SHKBP1: variants seen among roughly 807,000 people sequenced by gnomAD.
SHKBP1 encodes the protein SH3KBP1 binding protein 1.
Under a neutral mutation model 83.9 loss-of-function variants are expected in SHKBP1, and 71 were observed. The ratio of observed to expected loss-of-function variants is 0.85; its 90% CI spans 0.70 to 1.03. The LOEUF (loss-of-function observed/expected upper bound fraction) is 1.03, where lower values mean the gene tolerates loss of function less well. Ranked by LOEUF, SHKBP1 falls within the 50% of genes least tolerant of loss-of-function variation. SHKBP1 has a pLI of 0.00. For missense variants in SHKBP1, 824 were observed against 982.4 expected (o/e 0.84, Z 2.16); for synonymous variants, 371 against 398.0 (o/e 0.93, Z 0.81).
intron 12 of SHKBP1, among the ~76,000 whole-genome samples, chr19:40,584,843 G>T (rs931324664): frequency 6.6e-6 from 1 of 152,156 alleles, no homozygotes; most frequent in Non-Finnish European, 1.5e-5. Context: ...GGCTCAATAT[G>T]CTTCCTATAC....
chr19:40,579,516 TAGCC>T (rs1391668088), intron 6 of SHKBP1, among the ~76,000 whole-genome samples: 1 of 151,718 alleles, frequency 6.6e-6, no homozygotes, highest in Non-Finnish European at 1.5e-5. Flanking sequence ...AAAAAAAAAT[TAGCC>T]AGGTGTGGTG....
rs186493917 is a variant in SHKBP1 at position 40,591,030 on chromosome 19, C to T, written c.1947C>T (p.Ser649=). The stretch of plus-strand genomic sequence containing the variant: ...TGTCTGGCCACCGTGGGAGCCCAAG[C>T]CCCCCGCAGGCTGAGGCCCGGCGCC... ...TSLSGHRGSP[S]PPQAEARRRG... is the part of the protein sequence containing the mutation. Residue 649 remains serine, a synonymous_variant, in exon 18 of 18, where the codon AGC becomes AGT. Coordinates refer to ENST00000291842, the MANE Select transcript of SHKBP1 (RefSeq NM_138392.4). 153 of 1,612,590 alleles carry T rather than the reference C, an allele frequency of 9.5e-5. 1 individual carries two copies. The Middle Eastern group carries it at 1.8e-3, about 19-fold the overall frequency.
chr19:40,577,542 C>T lies in SHKBP1; in HGVS notation c.187-15C>T, dbSNP rs1358099859. 2 of 1,614,068 alleles carry T rather than the reference C, an allele frequency of 1.2e-6. No individual in the cohort carries two copies. Reference sequence around the variant, plus strand: ...GCCTTTTACCCCATCCATCCTCTGCCCCCCTTTCCCGCAGATCTTCATCGA... The same window carrying T: ...GCCTTTTACCCCATCCATCCTCTGCTCCCCTTTCCCGCAGATCTTCATCGA... On this transcript the variant is annotated splice_polypyrimidine_tract_variant and intron_variant, in intron 3 of 17. Transcript: ENST00000291842.
At position 40,580,727 on chromosome 19, in the gene SHKBP1, T is replaced by G; in HGVS notation, c.654-19T>G. ...AAGGGCATGCGGTGAGGGTTGGTGA[T>G]GTCCCCTCGATCCTACAGGTTGAAG... On this transcript the variant is annotated intron_variant, in intron 8 of 17. Transcript: ENST00000291842. 2.5e-6 allele frequency: 4 copies of G among 1,613,352 alleles called. No individual in the cohort carries two copies. The highest frequency in any genetic ancestry group is 3.4e-6 in the Non-Finnish European group (4 of 1,179,536).
At position 40,590,959 on chromosome 19, in the gene SHKBP1, T is replaced by A; in HGVS notation, c.1893-17T>A. On this transcript the variant is annotated splice_polypyrimidine_tract_variant and intron_variant, in intron 17 of 17. Transcript: ENST00000291842. This position sits in a 1 kb window ranked among gnomAD's most constrained non-coding sequence, Gnocchi z 4.6. The stretch of plus-strand genomic sequence containing the variant: ...CTGCCCCGTGATGACGTGCACTTAC[T>A]GTCCTTACTTCCTCAGCCTCCACTC... The A allele has an allele frequency of 6.3e-7, 1 of 1,592,212 alleles. No homozygotes were observed. The highest frequency in any genetic ancestry group is 8.6e-7 in the Non-Finnish European group (1 of 1,163,432).
At chr19:40,588,958 G>T (rs942567998) in intron 14 of SHKBP1, 124 bp from the exon 15 acceptor site, 2 of 1,288,946 alleles carry the variant, frequency 1.6e-6, no homozygotes, top group Admixed American at 2.0e-5. Context: ...CTCTGGCCCT[G>T]CCCAACTCTA....
rs1401439647 is a variant in SHKBP1, at chr19:40,589,075, G to C, written c.1493-7G>C. ...CTGGCCCTGACCCCTGCCCCTGCCT[G>C]GCCCAGGCCCCTACGGTGAGCGGGA... On this transcript the variant is annotated splice_region_variant and splice_polypyrimidine_tract_variant and intron_variant, in intron 14 of 17. Transcript: ENST00000291842. The C allele has an allele frequency of 6.2e-7, 1 of 1,611,122 alleles. No homozygotes were observed. The highest frequency in any genetic ancestry group is 8.5e-7 in the Non-Finnish European group (1 of 1,179,900).
chr19:40,589,527 A>G (rs1439041598), intron 15 of SHKBP1, among the ~76,000 whole-genome samples: 1 of 21,702 alleles, frequency 4.6e-5, no homozygotes, highest in Non-Finnish European at 8.6e-5. Flanking sequence ...GGATGGGGGG[A>G]CCAGGGGGAG....
intron 9 of SHKBP1, 135 bp downstream of exon 9, chr19:40,581,071 C>T: frequency 1.2e-6 from 1 of 856,746 alleles, no homozygotes; most frequent in African/African-American, 1.7e-5. Flanking sequence ...TTAGAATGCT[C>T]CAGCCCTTCA....
intron 15 of SHKBP1, among the ~76,000 whole-genome samples, chr19:40,589,606 A>G (rs550027230): frequency 4.6e-5 from 7 of 151,222 alleles, no homozygotes; most frequent in African/African-American, 7.3e-5. Context: ...AGGGAGCTGT[A>G]GGAGCCTTGC....
In SHKBP1 at chr19:40,586,620, G is replaced by A. The variant is rs1021743708; in HGVS notation, c.1166-154G>A. On this transcript the variant is annotated intron_variant, in intron 12 of 17. Transcript: ENST00000291842. ...GACCTCAAGCGATCCACCCGCCTCA[G>A]CTTCCCAAAGTGATGGGATTACGGC... 8 of 690,532 alleles carry A rather than the reference G, an allele frequency of 1.2e-5. No homozygotes were observed. The East Asian group carries it at 2.6e-4, about 23-fold the overall frequency. 42.8% of individuals were successfully genotyped at this position (690,532 alleles called of 1,614,324 possible).
Position 40,577,405 on chromosome 19 carries a change from C to T in SHKBP1, c.150C>T (p.Ser50=), listed in dbSNP as rs1173346442. Reference sequence around the variant, plus strand: ...TGTCCCTTCCCTGCAGTCTTCTGAGCGGACGCATCTCGACGCTGAAAGATG... The same window carrying T: ...TGTCCCTTCCCTGCAGTCTTCTGAGTGGACGCATCTCGACGCTGAAAGATG... ...IPDSFFSSLL[S]GRISTLKDET... is the part of the protein sequence containing the mutation. The change falls in exon 3 of 18, where the codon AGC becomes AGT. Residue 50 remains serine (S), a synonymous_variant. Coordinates refer to ENST00000291842, the MANE Select transcript of SHKBP1 (RefSeq NM_138392.4). The T allele has an allele frequency of 6.2e-7, 1 of 1,613,556 alleles. No individual in the cohort carries two copies. Among genetic ancestry groups the T allele is most frequent in the Admixed American group, 1.7e-5 (1 of 59,960 alleles).
Position 40,580,475 on chromosome 19 carries a change from C to G in SHKBP1, c.552C>G (p.Pro184=). 9 of 1,611,934 alleles carry G rather than the reference C, an allele frequency of 5.6e-6. No homozygotes were observed. Among genetic ancestry groups the G allele is most frequent in the Non-Finnish European group, 6.8e-6 (8 of 1,178,322 alleles). ...LGRMLDEKTP[P]SPSGQPEEPG... ...GAATGCTGGATGAGAAAACCCCTCC[C>G]TCACCCTCAGGTACGTTTCTATCTC... The change falls in exon 7 of 18, where the codon CCC becomes CCG. Residue 184 remains proline, a synonymous_variant. Transcript: ENST00000291842.
At chr19:40,586,663 G>C (rs1029967259) in intron 12 of SHKBP1, 111 bp from the exon 13 acceptor site, 6 of 1,124,968 alleles carry the variant, frequency 5.3e-6, no homozygotes, top group Non-Finnish European at 4.7e-6. Flanking sequence ...ACCGTGCCCG[G>C]CCTCTCCTTG....
chr19:40,580,075 C>T (rs977840801), intron 6 of SHKBP1: 24 of 349,370 alleles, frequency 6.9e-5, no homozygotes, highest in Admixed American at 9.4e-5. Flanking sequence ...GGTAATACTG[C>T]AGATTCATTA....
At chr19:40,577,123 A>G (rs2145972953) in intron 1 of SHKBP1, 108 bp from the exon 2 acceptor site, 1 of 1,437,136 alleles carries the variant, frequency 7.0e-7, no homozygotes, top group African/African-American at 1.4e-5. Context: ...ATTCTGGAAA[A>G]ACGCCGGGGG....
Position 40,583,300 on chromosome 19 carries a change from TG to T in SHKBP1, c.961-96del. On this transcript the variant is annotated intron_variant, in intron 10 of 17. Coordinates refer to ENST00000291842, the MANE Select transcript of SHKBP1 (RefSeq NM_138392.4). The stretch of plus-strand genomic sequence containing the variant: ...GGGCTGGGGAGCAGTGGGTGGGTTC[TG>T]GAGGTGGAGGAGAGGGCCCATCCTC... 4.0e-6 allele frequency: 4 copies of T among 990,352 alleles called. No homozygotes were observed. In the South Asian group the frequency reaches 4.9e-5, roughly 12 times the overall value. 61.3% of individuals were successfully genotyped at this position (990,352 alleles called of 1,614,324 possible). A position where few individuals can be genotyped will look rare whatever the true frequency, so the allele number is the denominator to read the frequency against.
chr19:40,577,553 G>T lies in SHKBP1; in HGVS notation c.187-4G>T, dbSNP rs1284689924. The T allele has an allele frequency of 4.3e-6, 7 of 1,613,932 alleles. No homozygotes were observed. The Middle Eastern group carries it at 8.2e-4, about 190-fold the overall frequency. On this transcript the variant is annotated splice_polypyrimidine_tract_variant and splice_region_variant and intron_variant, in intron 3 of 17. Coordinates refer to ENST00000291842, the MANE Select transcript of SHKBP1 (RefSeq NM_138392.4). ...CATCCATCCTCTGCCCCCCTTTCCC[G>T]CAGATCTTCATCGACAGGGACCCTA...
In SHKBP1 at chr19:40,591,120, GCCAC is replaced by G. The variant is rs1253206847; in HGVS notation, c.2042_2045del (p.Pro681HisfsTer19). On this transcript the variant is annotated frameshift_variant, in exon 18 of 18. Transcript: ENST00000291842. LOFTEE classifies it high-confidence loss of function. ...TGCGGAGTGGGCCAGACCTCCGACGGCCACCCACACCAGCCCCGTGGCCCTCCAG... is the reference window on the plus strand; with the variant it reads ...TGCGGAGTGGGCCAGACCTCCGACGGCCACACCAGCCCCGTGGCCCTCCAG... The G allele has an allele frequency of 1.2e-6, 2 of 1,608,794 alleles. No individual in the cohort carries two copies. Among genetic ancestry groups the G allele is most frequent in the Non-Finnish European group, 1.7e-6 (2 of 1,175,894 alleles).
Sources: allele counts gnomAD v4.1 joint callset (sites outside exome capture counted in the v4.1 genomes callset), GRCh38; gene constraint gnomAD v4.1.1; non-coding constraint Gnocchi (gnomAD v3.1); transcripts MANE v1.5; gene names NCBI Gene and HGNC (gene_info 2026-07-23, HGNC 2026-07-21).